POTEE: variants seen among roughly 807,000 people sequenced by gnomAD.
POTEE encodes the protein ANKRD26-like family C member 1A.
POTEE carries 21 observed loss-of-function variants against 74.2 expected under a neutral mutation model. The ratio of observed to expected loss-of-function variants is 0.28; its 90% CI spans 0.20 to 0.41. The LOEUF (loss-of-function observed/expected upper bound fraction) is 0.41, where lower values mean the gene tolerates loss of function less well. Ranked by LOEUF, POTEE falls within the 10% of genes least tolerant of loss-of-function variation. The pLI is 1.00. For missense variants in POTEE, 525 were observed against 1,158.6 expected, an observed-to-expected ratio of 0.45 and a Z score of 7.94; for synonymous variants, 211 against 432.8, an observed-to-expected ratio of 0.49 and a Z score of 6.36.
intron 2 of POTEE, among the ~76,000 whole-genome samples, chr2:131,212,709 C>T (rs1263055045): frequency 1.3e-5 from 2 of 151,044 alleles, no homozygotes; most frequent in African/African-American, 2.4e-5. Flanking sequence ...GGATTGCAGG[C>T]ATGTGCCACC....
At chr2:131,227,075 T>C (rs1237742732) in intron 7 of POTEE, 146 bp downstream of exon 7, 1 of 1,215,030 alleles carries the variant, frequency 8.2e-7, no homozygotes, top group Non-Finnish European at 1.1e-6. Flanking sequence ...AACAATTACT[T>C]GGGCTGGGCA....
chr2:131,256,857 ATCAGGACGCG>A (rs1701588853), intron 16 of POTEE, among the ~76,000 whole-genome samples: 1 of 152,306 alleles, frequency 6.6e-6, no homozygotes, highest in Admixed American at 6.5e-5. Context: ...GGATTGTATC[ATCAGGACGCG>A]TCAGGCTTGA....
At chr2:131,232,832 C>CA (rs1701006530) in intron 9 of POTEE, among the ~76,000 whole-genome samples, 1 of 151,814 alleles carries the variant, frequency 6.6e-6, no homozygotes, top group Admixed American at 6.6e-5. Context: ...ATCTTGTTCT[C>CA]ACAACACAAC....
At position 131,263,959 on chromosome 2, in the gene POTEE, C is replaced by T. The variant is rs767099697; in HGVS notation, c.2504C>T (p.Ala835Val). The T allele has an allele frequency of 6.2e-7, 1 of 1,614,198 alleles. No individual in the cohort carries two copies. Among genetic ancestry groups the T allele is most frequent in the East Asian group, 2.2e-5 (1 of 44,866 alleles). Residue 835 changes from alanine to valine, a missense_variant, in exon 18 of 18, where the codon GCC becomes GTC. By Grantham distance (64) the Ala-to-Val change is moderately conservative (BLOSUM62 0). Transcript: ENST00000683005. ...ETFNTPAMYV[A>V]IQAVPSLYTS... ...TTCAACACCCCAGCCATGTACGTGG[C>T]CATCCAGGCCGTGCCGTCCCTGTAC...
intron 1 of POTEE, among the ~76,000 whole-genome samples, chr2:131,210,394 T>G (rs1700332908): frequency 6.9e-6 from 1 of 144,374 alleles, no homozygotes; most frequent in African/African-American, 2.6e-5. Context: ...GGGTGTGCTG[T>G]CCGGGGGCTA....
At chr2:131,222,438 C>G (rs1282640460) in intron 4 of POTEE, among the ~76,000 whole-genome samples, 1 of 151,582 alleles carries the variant, frequency 6.6e-6, no homozygotes, top group Non-Finnish European at 1.5e-5. Context: ...GGGAAGGAAG[C>G]AGGAAATAGA....
intron 3 of POTEE, among the ~76,000 whole-genome samples, 71 bp downstream of exon 3, chr2:131,217,754 C>CCGCACGCCGCACGCGCACGCCGCACG (rs138470843): frequency 2.7e-5 from 4 of 146,638 alleles, no homozygotes; most frequent in African/African-American, 1.1e-4. Flanking sequence ...ACGCCGCACG[C>CCGCACGCCGCACGCGCACGCCGCACG]CGCACGCCGC....
chr2:131,260,524 A>T (rs1162742061), intron 16 of POTEE, among the ~76,000 whole-genome samples: 2 of 144,760 alleles, frequency 1.4e-5, no homozygotes, highest in East Asian at 4.0e-4. Flanking sequence ...TATATAGATC[A>T]CTCACTTTTT....
At chr2:131,236,337 G>T (rs1351217514) in intron 9 of POTEE, among the ~76,000 whole-genome samples, 1 of 152,014 alleles carries the variant, frequency 6.6e-6, no homozygotes, top group African/African-American at 2.4e-5. Context: ...GGCCCTGCTT[G>T]TTACTATCCT....
chr2:131,219,501 G>C (rs1700549096), intron 4 of POTEE, among the ~76,000 whole-genome samples: 1 of 152,076 alleles, frequency 6.6e-6, no homozygotes, highest in African/African-American at 2.4e-5. Flanking sequence ...AGCACTTTGG[G>C]AGGCGGGCGG....
In POTEE at chr2:131,264,270, A is replaced by G; in HGVS notation, c.2815A>G (p.Ser939Gly). 6.2e-7 allele frequency: 1 copy of G among 1,614,262 alleles called. No homozygotes were observed. The highest frequency in any genetic ancestry group is 8.5e-7 in the Non-Finnish European group (1 of 1,180,054). The change falls in exon 18 of 18, where the codon AGC (serine) becomes GGC (glycine). Residue 939 changes from serine to glycine, a missense_variant. Transcript: ENST00000683005. The part of the protein sequence containing the change: ...TAASSSSLEK[S>G]YELPDGQVIT... ...GGCCTCCAGCTCCTCCCTAGAGAAG[A>G]GCTACGAGCTGCCCGATGGCCAGGT...
chr2:131,216,145 A>T (rs1265381864), intron 2 of POTEE, among the ~76,000 whole-genome samples: 1 of 151,904 alleles, frequency 6.6e-6, no homozygotes, highest in Non-Finnish European at 1.5e-5. Context: ...GAAGGATGTG[A>T]ACGATTTGTA....
rs536403203 is a variant in POTEE at position 131,264,089 on chromosome 2, A to C, written c.2634A>C (p.Leu878=). 1.2e-6 allele frequency: 2 copies of C among 1,614,208 alleles called. No homozygotes were observed. The highest frequency in any genetic ancestry group is 4.5e-5 in the East Asian group (2 of 44,884). ...CCCTCCCCCATGCCACCCTGCGCCT[A>C]GACCTGGCTGGGCGGGAACTGCCTG... ...GNALPHATLR[L]DLAGRELPDY... Residue 878 remains leucine, a synonymous_variant, in exon 18 of 18, where the codon CTA becomes CTC. Coordinates refer to ENST00000683005, the MANE Select transcript of POTEE (RefSeq NM_001083538.3).
intron 13 of POTEE, among the ~76,000 whole-genome samples, chr2:131,248,406 A>G (rs1222354427): frequency 6.6e-6 from 1 of 151,846 alleles, no homozygotes; most frequent in East Asian, 1.9e-4. Context: ...TCCAGATTGC[A>G]CACTAGTATT....
chr2:131,225,052 C>G (rs1291492170), intron 6 of POTEE, among the ~76,000 whole-genome samples: 1 of 152,002 alleles, frequency 6.6e-6, no homozygotes, highest in Non-Finnish European at 1.5e-5. Context: ...TCTTTTTGGC[C>G]AAATCTTCAA....
At chr2:131,235,247 A>T (rs1002569906) in intron 9 of POTEE, among the ~76,000 whole-genome samples, 1 of 151,320 alleles carries the variant, frequency 6.6e-6, no homozygotes, top group African/African-American at 2.4e-5. Context: ...TTAAACCCTA[A>T]TGCCTAGCAT....
chr2:131,211,799 G>A (rs180948496), intron 2 of POTEE, among the ~76,000 whole-genome samples: 9 of 150,996 alleles, frequency 6.0e-5, no homozygotes, highest in South Asian at 2.1e-4. Context: ...CTCATGATCC[G>A]CCCACCTTGG....
intron 12 of POTEE, among the ~76,000 whole-genome samples, chr2:131,243,859 C>G (rs1701304777): frequency 9.2e-6 from 1 of 108,360 alleles, no homozygotes; most frequent in African/African-American, 3.8e-5. Context: ...CAGAGCAAGA[C>G]TCCGTCTCAA....
intron 17 of POTEE, among the ~76,000 whole-genome samples, chr2:131,262,677 C>T (rs1446405817): frequency 2.9e-4 from 44 of 151,714 alleles, no homozygotes; most frequent in Non-Finnish European, 6.0e-4. Context: ...TTTTTGACCT[C>T]TCCTTTTAAG....
Sources: gnomAD v4.1 joint callset for allele counts (sites outside exome capture counted in the v4.1 genomes callset) on GRCh38, gnomAD v4.1.1 for gene constraint, MANE v1.5 for transcripts, NCBI Gene and HGNC (gene_info 2026-07-23, HGNC 2026-07-21) for gene names.